Variants in USP30 observed in about 807,000 individuals in gnomAD.
The protein encoded by USP30 is ubiquitin specific peptidase 30, also known as ubiquitin carboxyl-terminal hydrolase 30.
USP30 carries 41 observed loss-of-function variants against 68.2 expected under a neutral mutation model. The ratio of observed to expected loss-of-function variants is 0.60; its 90% CI spans 0.47 to 0.78. The LOEUF (loss-of-function observed/expected upper bound fraction) is 0.78. Among genes scored for constraint, USP30 ranks in the 30% least tolerant of loss-of-function variants. USP30 has a pLI of 0.00. For synonymous variants in USP30, 229 were observed against 253.7 expected (o/e 0.90, Z 0.93); for missense variants, 522 against 649.4 (o/e 0.80, Z 2.13).
At chr12:109,029,549 G>T (rs1389804700) in intron 3 of USP30, among the ~76,000 whole-genome samples, 1 of 152,194 alleles carries the variant, frequency 6.6e-6, no homozygotes, top group East Asian at 1.9e-4. Context: ...AGGGCACACT[G>T]TTTTACTAGG....
chr12:109,083,108 A>G (rs1566107453), intron 11 of USP30, 46 bp downstream of exon 11: 55 of 1,542,594 alleles, frequency 3.6e-5, no homozygotes, highest in Non-Finnish European at 4.5e-5. Context: ...TTCAGCACAG[A>G]GAAAAGCAGT....
intron 7 of USP30, among the ~76,000 whole-genome samples, chr12:109,078,982 G>T (rs2041699080): frequency 6.6e-6 from 1 of 152,110 alleles, no homozygotes; most frequent in Non-Finnish European, 1.5e-5. Flanking sequence ...TATGTAAATT[G>T]TCATTTGTTT....
rs549029493 is a variant in USP30, at chr12:109,081,488, G to A, written c.780+95G>A. 1.4e-4 allele frequency: 177 copies of A among 1,267,680 alleles called. 2 individuals are homozygous for A. Among genetic ancestry groups the A allele is most frequent in the Middle Eastern group, 9.6e-4 (5 of 5,216 alleles). The allele number at this position is 1,267,680 out of a possible 1,614,324, so 78.5% of individuals were successfully genotyped here. A position where few individuals can be genotyped will look rare whatever the true frequency, so the allele number is the denominator to read the frequency against. Reference sequence around the variant, plus strand: ...ATTTTATGTGGCTCAGGCACTATGTGTAATTCAGATACATGGTTGGTTGAA... The same window carrying A: ...ATTTTATGTGGCTCAGGCACTATGTATAATTCAGATACATGGTTGGTTGAA... On this transcript the variant is annotated intron_variant, in intron 8 of 12. Coordinates refer to ENST00000257548, the MANE Select transcript of USP30 (RefSeq NM_032663.5).
upstream of USP30, chr12:109,047,736 A>G (rs2040618219): frequency 6.6e-6 from 1 of 152,200 alleles, no homozygotes; most frequent in South Asian, 2.1e-4. Context: ...ATTTAAAGAG[A>G]GGGTACTTTG....
At chr12:109,043,430 A>G (rs2040578012) in intron 3 of USP30, among the ~76,000 whole-genome samples, 1 of 152,220 alleles carries the variant, frequency 6.6e-6, no homozygotes, top group African/African-American at 2.4e-5. Context: ...ACTCTCTGGT[A>G]TATGGTCAAA....
intron 7 of USP30, among the ~76,000 whole-genome samples, chr12:109,080,599 T>C (rs547114952): frequency 6.6e-6 from 1 of 152,380 alleles, no homozygotes; most frequent in South Asian, 2.1e-4. Context: ...CTACATTTTG[T>C]TTAACATAGT....
At chr12:109,077,649 A>C (rs1357547411) in intron 7 of USP30, among the ~76,000 whole-genome samples, 1 of 152,162 alleles carries the variant, frequency 6.6e-6, no homozygotes, top group Non-Finnish European at 1.5e-5. Flanking sequence ...TAATGTAAGT[A>C]TTGATGTGAT....
intron 3 of USP30, among the ~76,000 whole-genome samples, chr12:109,035,138 A>G (rs954954213): frequency 6.6e-6 from 1 of 152,116 alleles, no homozygotes; most frequent in Admixed American, 6.6e-5. Flanking sequence ...TGTAATCACC[A>G]ATAATGTAGG....
chr12:109,072,431 T>A (rs981909106), intron 6 of USP30, 81 bp downstream of exon 6: 9 of 1,413,372 alleles, frequency 6.4e-6, no homozygotes, highest in Non-Finnish European at 8.9e-6. Flanking sequence ...TTAAAAAGAT[T>A]TTTTTCTGGT....
rs2041415810 is a variant in USP30, at chr12:109,070,828, T to C, written c.481-784T>C. Among the ~76,000 whole-genome samples, 1 of 152,176 alleles carries C rather than the reference T, an allele frequency of 6.6e-6. No homozygotes were observed. Among genetic ancestry groups the C allele is most frequent in the Non-Finnish European group, 1.5e-5 (1 of 68,022 alleles). ...TCAAAGCAGGGACTCAGTAGGGTAT[T>C]TGTATACTCAGGTTAATAGCAGCAT... On this transcript the variant is annotated intron_variant, in intron 4 of 12. Transcript: ENST00000257548. The surrounding 1 kb of genome is among the most constrained non-coding windows in gnomAD (Gnocchi z 4.0).
At chr12:109,074,748 G>A (rs552211546) in intron 7 of USP30, among the ~76,000 whole-genome samples, 2 of 152,336 alleles carry the variant, frequency 1.3e-5, no homozygotes, top group South Asian at 4.1e-4. Flanking sequence ...CATATGTGGT[G>A]AGAACACTCT....
chr12:109,053,466 A>G (rs1029937969), intron 1 of USP30, among the ~76,000 whole-genome samples: 1 of 151,748 alleles, frequency 6.6e-6, no homozygotes, highest in Non-Finnish European at 1.5e-5. Flanking sequence ...CAGGGCCCCC[A>G]TTTCCCTCTT....
rs1250960360 is a variant in USP30, at chr12:109,087,701, G to C, written c.*1770G>C. 1 of 152,264 alleles carries C rather than the reference G, an allele frequency of 6.6e-6. No individual in the cohort carries two copies. The highest frequency in any genetic ancestry group is 2.4e-5 in the African/African-American group (1 of 41,458). 9.4% of individuals were successfully genotyped at this position (152,264 alleles called of 1,614,324 possible). A position where few individuals can be genotyped will look rare whatever the true frequency, so the allele number is the denominator to read the frequency against. On this transcript the variant is annotated 3_prime_UTR_variant, in exon 13 of 13. Coordinates refer to ENST00000257548, the MANE Select transcript of USP30 (RefSeq NM_032663.5). ...TACCATCAAAGAAAGATAGAGAAAA[G>C]GGGCTGAGCCTTGGAATATATGGTT... is the stretch of plus-strand genomic sequence containing the variant.
At chr12:109,063,878 C>CTTT (rs1341130766) in intron 3 of USP30, among the ~76,000 whole-genome samples, 18 of 127,264 alleles carry the variant, frequency 1.4e-4, no homozygotes, top group African/African-American at 2.4e-4. Context: ...AATTGGGTTT[C>CTTT]TTTTTTTTTT....
At chr12:109,063,523 T>C (rs1372954753) in intron 3 of USP30, among the ~76,000 whole-genome samples, 2 of 152,248 alleles carry the variant, frequency 1.3e-5, no homozygotes, top group African/African-American at 4.8e-5. Context: ...TGAACATTAG[T>C]GTCCAAATTC....
intron 3 of USP30, among the ~76,000 whole-genome samples, chr12:109,036,625 G>GC (rs1302020912): frequency 2.6e-5 from 4 of 151,914 alleles, no homozygotes; most frequent in Non-Finnish European, 4.4e-5. Flanking sequence ...ACAAGTCTCT[G>GC]TTTTTTTGTT....
In USP30 at chr12:109,081,963, C is replaced by T. The variant is rs1360449686; in HGVS notation, c.811C>T (p.His271Tyr). The T allele has an allele frequency of 1.1e-5, 18 of 1,614,154 alleles. No homozygotes were observed. The highest frequency in any genetic ancestry group is 1.4e-5 in the Non-Finnish European group (16 of 1,180,060). ...CCCATTGACCCTGGACCACTGCCTT[C>T]ACCACTTCATCTCATCAGAATCAGT... ...GHPLTLDHCL[H>Y]HFISSESVRD... Residue 271 changes from histidine to tyrosine, a missense_variant, in exon 9 of 13, where the codon CAC (histidine) becomes TAC (tyrosine). Transcript: ENST00000257548.
At position 109,081,928 on chromosome 12, in the gene USP30, T is replaced by C. The variant is rs2041815129; in HGVS notation, c.781-5T>C. On this transcript the variant is annotated splice_polypyrimidine_tract_variant and splice_region_variant and intron_variant, in intron 8 of 12. Transcript: ENST00000257548. ...TGTAGTAATTTTCTTCTTCTCATGC[T>C]GTAGGGTCACCCATTGACCCTGGAC... The C allele has an allele frequency of 1.2e-6, 2 of 1,613,970 alleles. No homozygotes were observed.
At chr12:109,069,393 G>A (rs528856729) in intron 4 of USP30, among the ~76,000 whole-genome samples, 9 of 152,358 alleles carry the variant, frequency 5.9e-5, no homozygotes, top group Non-Finnish European at 1.2e-4. Flanking sequence ...CTGCACCTCT[G>A]GTGTGCCGTT....
Sources: allele counts gnomAD v4.1 joint callset (sites outside exome capture counted in the v4.1 genomes callset), GRCh38; gene constraint gnomAD v4.1.1; non-coding constraint Gnocchi (gnomAD v3.1); transcripts MANE v1.5; gene names NCBI Gene and HGNC (gene_info 2026-07-23, HGNC 2026-07-21).